The following PADI3 variants were observed in gnomAD, a reference collection of about 807,000 sequenced individuals.
The protein encoded by PADI3 is protein-arginine deiminase type-3.
PADI3 carries 53 observed loss-of-function variants against 71.5 expected under a neutral mutation model. That is an observed-to-expected ratio of 0.74 (90% CI 0.59 to 0.93). The LOEUF (loss-of-function observed/expected upper bound fraction) is 0.93, where lower values mean the gene tolerates loss of function less well. Ranked by LOEUF, PADI3 falls within the 40% of genes least tolerant of loss-of-function variation. PADI3 has a pLI of 0.00. For missense variants in PADI3, 821 were observed against 868.0 expected (o/e 0.95, Z 0.68); for synonymous variants, 361 against 347.5 (o/e 1.04, Z -0.43).
Position 17,266,727 on chromosome 1 carries a change from G to A in PADI3, c.417G>A (p.Trp139Ter). Residue 139 changes from tryptophan (W) to a stop codon, truncating the protein, a stop_gained, in exon 5 of 16, where the codon TGG becomes TGA. Coordinates refer to ENST00000375460, the MANE Select transcript of PADI3 (RefSeq NM_016233.2). LOFTEE classifies it high-confidence loss of function. ...TGTTTTGTCATTGGCAGCGGCAGTG[G>A]GTCTGGGGGCCCAGTGGGTATGGCG... ...QDRNFVDKRQ[W>*]VWGPSGYGGI... The A allele has an allele frequency of 1.2e-6, 2 of 1,614,048 alleles. No individual in the cohort carries two copies. The highest frequency in any genetic ancestry group is 8.5e-7 in the Non-Finnish European group (1 of 1,179,914).
rs111645773 is a variant in PADI3, at chr1:17,267,903, A to G, written c.593A>G (p.Lys198Arg). The G allele has an allele frequency of 3.2e-5, 52 of 1,614,176 alleles. No homozygotes were observed. In the Middle Eastern group the frequency reaches 4.9e-4, roughly 15 times the overall value. ...QGPAALFDDH[K>R]LVLHTSSYDA... is the part of the protein sequence containing the mutation. ...CCTGCAGCCCTCTTTGATGACCACA[A>G]ACTTGTCCTCCATACCTCCAGCTAT... Residue 198 changes from lysine to arginine, a missense_variant, in exon 6 of 16, where the codon AAA becomes AGA. By Grantham distance (26) the Lys-to-Arg change is conservative (BLOSUM62 2). Coordinates refer to ENST00000375460, the MANE Select transcript of PADI3 (RefSeq NM_016233.2).
chr1:17,276,106 G>A (rs1279176187), intron 11 of PADI3, among the ~76,000 whole-genome samples: 4 of 152,094 alleles, frequency 2.6e-5, no homozygotes, highest in Non-Finnish European at 5.9e-5. Context: ...AGGCTGAGGC[G>A]GGCAGATCAC....
In PADI3 at chr1:17,259,503, G is replaced by T. The variant is rs553206163; in HGVS notation, c.93-75G>T. ...AGGAAAGCTTCCTGGAGGAAGCAGGGCTTGAGCCAAAGCTCAAACATCTGA... is the reference window on the plus strand; with the variant it reads ...AGGAAAGCTTCCTGGAGGAAGCAGGTCTTGAGCCAAAGCTCAAACATCTGA... On this transcript the variant is annotated intron_variant, in intron 1 of 15. Coordinates refer to ENST00000375460, the MANE Select transcript of PADI3 (RefSeq NM_016233.2). 12 of 1,404,224 alleles carry T rather than the reference G, an allele frequency of 8.5e-6. No individual in the cohort carries two copies. The East Asian group carries it at 2.4e-4, about 28-fold the overall frequency. The allele number at this position is 1,404,224 out of a possible 1,614,324, so 87.0% of individuals were successfully genotyped here. A position where few individuals can be genotyped will look rare whatever the true frequency, so the allele number is the denominator to read the frequency against.
chr1:17,251,207 G>A (rs1011013301), intron 1 of PADI3, among the ~76,000 whole-genome samples: 1 of 152,244 alleles, frequency 6.6e-6, no homozygotes, highest in Non-Finnish European at 1.5e-5. Context: ...AGCCAGCAGA[G>A]GCTGGACAAC....
In PADI3 at chr1:17,270,342, G is replaced by T; in HGVS notation, c.762G>T (p.Leu254=). 1 of 1,613,988 alleles carries T rather than the reference G, an allele frequency of 6.2e-7. No homozygotes were observed. Among genetic ancestry groups the T allele is most frequent in the South Asian group, 1.1e-5 (1 of 91,074 alleles). Residue 254 remains leucine (L), a synonymous_variant, in exon 7 of 16, where the codon CTG becomes CTT. Coordinates refer to ENST00000375460, the MANE Select transcript of PADI3 (RefSeq NM_016233.2). ...AGGAGCGCTTCTTCGTGGAAGGCCTGTCCTTCCCTGATGCCGGCTTCACAG... is the reference window on the plus strand; with the variant it reads ...AGGAGCGCTTCTTCGTGGAAGGCCTTTCCTTCCCTGATGCCGGCTTCACAG... The part of the protein sequence containing the change: ...GDEERFFVEG[L]SFPDAGFTGL...
chr1:17,260,491 C>A (rs2073089979), intron 2 of PADI3, among the ~76,000 whole-genome samples: 1 of 152,158 alleles, frequency 6.6e-6, no homozygotes, highest in African/African-American at 2.4e-5. Flanking sequence ...GCAGCCATGA[C>A]CTCATCCAGC....
chr1:17,263,733 C>G (rs775145529), intron 3 of PADI3, among the ~76,000 whole-genome samples: 7 of 152,110 alleles, frequency 4.6e-5, no homozygotes, highest in Non-Finnish European at 1.0e-4. Context: ...GCAATGCATA[C>G]GGCTGACTTG....
intron 11 of PADI3, among the ~76,000 whole-genome samples, chr1:17,275,903 C>G (rs1476274294): frequency 2.6e-5 from 4 of 152,168 alleles, no homozygotes; most frequent in African/African-American, 9.7e-5. Context: ...AAATCTGTCT[C>G]TTGGAGAATA....
At chr1:17,269,997 G>A (rs1390983442) in intron 6 of PADI3, among the ~76,000 whole-genome samples, 1 of 152,164 alleles carries the variant, frequency 6.6e-6, no homozygotes, top group East Asian at 1.9e-4. Flanking sequence ...GTTGGATGCT[G>A]CCAAATTGTG....
At chr1:17,257,759 C>CG (rs2073046261) in intron 1 of PADI3, among the ~76,000 whole-genome samples, 1 of 152,118 alleles carries the variant, frequency 6.6e-6, no homozygotes, top group African/African-American at 2.4e-5. Flanking sequence ...AGATGGGAAG[C>CG]GGGGGGAGTG....
intron 2 of PADI3, among the ~76,000 whole-genome samples, chr1:17,261,540 G>T (rs1244790188): frequency 3.9e-5 from 6 of 152,248 alleles, no homozygotes; most frequent in African/African-American, 1.4e-4. Context: ...CACCCCACAA[G>T]ATGCCACCTG....
rs755998093 is a variant in PADI3, at chr1:17,249,247, A to AG, written c.92+19dup. On this transcript the variant is annotated intron_variant, in intron 1 of 15. Transcript: ENST00000375460. ...ATTTATGGGTAAGAGTCAGAGGCCT[A>AG]GTGGTTTGCAGGCCCTTGGTGCTGA... 637 of 1,587,550 alleles carry AG rather than the reference A, an allele frequency of 4.0e-4. 2 individuals are homozygous for AG. The highest frequency in any genetic ancestry group is 2.1e-4 in the Non-Finnish European group (247 of 1,155,736).
Position 17,256,618 on chromosome 1 carries a change from G to A in PADI3, c.93-2960G>A, listed in dbSNP as rs375274421. On this transcript the variant is annotated intron_variant, in intron 1 of 15. Coordinates refer to ENST00000375460, the MANE Select transcript of PADI3 (RefSeq NM_016233.2). ...CTGGGCTGAAACACCCTACACCCAG[G>A]GGCTGGAGCCTGGGGACTGAGTGGG... Among the ~76,000 whole-genome samples, 31 of 152,348 alleles carry A rather than the reference G, an allele frequency of 2.0e-4. 1 individual carries two copies. In the South Asian group the frequency reaches 6.4e-3, roughly 32 times the overall value.
intron 3 of PADI3, among the ~76,000 whole-genome samples, chr1:17,264,494 A>G (rs111754241): frequency 3.3e-5 from 5 of 152,202 alleles, no homozygotes; most frequent in African/African-American, 1.2e-4. Flanking sequence ...TCCTTCTCCT[A>G]CAGGTAACCA....
At position 17,283,117 on chromosome 1, in the gene PADI3, G is replaced by T; in HGVS notation, c.*38G>T. On this transcript the variant is annotated 3_prime_UTR_variant, in exon 16 of 16. Coordinates refer to ENST00000375460, the MANE Select transcript of PADI3 (RefSeq NM_016233.2). Reference sequence around the variant, plus strand: ...CCACCATCCTGTCCCCCTGGGGCGGGCATTGGCCCAGGTGGTGGAGACAGA... The same window carrying T: ...CCACCATCCTGTCCCCCTGGGGCGGTCATTGGCCCAGGTGGTGGAGACAGA... 6.5e-7 allele frequency: 1 copy of T among 1,534,936 alleles called. No homozygotes were observed. The highest frequency in any genetic ancestry group is 9.0e-7 in the Non-Finnish European group (1 of 1,111,192).
In PADI3 at chr1:17,267,892, T is replaced by C; in HGVS notation, c.582T>C (p.Phe194=). The part of the protein sequence containing the change: ...VLRTQGPAAL[F]DDHKLVLHTS... ...GGACGCAGGGCCCTGCAGCCCTCTTTGATGACCACAAACTTGTCCTCCATA... is the reference window on the plus strand; with the variant it reads ...GGACGCAGGGCCCTGCAGCCCTCTTCGATGACCACAAACTTGTCCTCCATA... Residue 194 remains phenylalanine (F), a synonymous_variant, in exon 6 of 16, where the codon TTT becomes TTC. Transcript: ENST00000375460. 6.2e-7 allele frequency: 1 copy of C among 1,614,214 alleles called. No individual in the cohort carries two copies. The highest frequency in any genetic ancestry group is 2.2e-5 in the East Asian group (1 of 44,880).
At chr1:17,280,644 C>A (rs1300875838) in intron 14 of PADI3, 27 bp from the exon 15 acceptor site, 1 of 1,613,902 alleles carries the variant, frequency 6.2e-7, no homozygotes. Flanking sequence ...CAAGGTGTCC[C>A]CAACTCTGGC....
chr1:17,280,542 C>T (rs2100605120), intron 14 of PADI3, 113 bp downstream of exon 14: 3 of 1,502,630 alleles, frequency 2.0e-6, no homozygotes, highest in East Asian at 2.3e-5. Context: ...CAGGTTAGAA[C>T]AGGCCCAGAC....
chr1:17,271,020 A>G, intron 8 of PADI3, 38 bp downstream of exon 8: 5 of 1,612,946 alleles, frequency 3.1e-6, no homozygotes, highest in Non-Finnish European at 4.2e-6. Context: ...TCTGGCCCCC[A>G]GGCCCCGGCT....
Sources: allele counts gnomAD v4.1 joint callset (sites outside exome capture counted in the v4.1 genomes callset), GRCh38; gene constraint gnomAD v4.1.1; transcripts MANE v1.5; gene names NCBI Gene and HGNC (gene_info 2026-07-23, HGNC 2026-07-21).